TMEM132B: variants seen among roughly 807,000 people sequenced by gnomAD.
The protein encoded by TMEM132B is transmembrane protein 132B.
In TMEM132B, 18 loss-of-function variants were observed where a neutral mutation model predicts 90.8. The ratio of observed to expected loss-of-function variants is 0.20; its 90% CI spans 0.14 to 0.29. The LOEUF is 0.29. Ranked by LOEUF, TMEM132B falls within the 10% of genes least tolerant of loss-of-function variation. The pLI, the probability that TMEM132B is intolerant of heterozygous loss-of-function variation, is 1.00. For synonymous variants in TMEM132B, 504 were observed against 523.3 expected, an observed-to-expected ratio of 0.96 and a Z score of 0.50; for missense variants, 1,096 against 1,326.8, an observed-to-expected ratio of 0.83 and a Z score of 2.70.
At chr12:125,624,575 C>T (rs1476826545) in intron 5 of TMEM132B, among the ~76,000 whole-genome samples, 5 of 152,162 alleles carry the variant, frequency 3.3e-5, no homozygotes, top group Non-Finnish European at 4.4e-5. Context: ...GACTTATTGT[C>T]CTCGAGCTCA....
rs61155232 is a variant in TMEM132B, at chr12:125,575,083, T to TATATATATATATA, written c.1294-8768_1294-8767insATATATATATATA. On this transcript the variant is annotated intron_variant, in intron 4 of 8. Transcript: ENST00000682704. ...ATATATATATATATATATATATATATTCAGGAGTAGAATTGCTAGGTCATA... is the reference window on the plus strand; with the variant it reads ...ATATATATATATATATATATATATATATATATATATATATCAGGAGTAGAATTGCTAGGTCATA... 1.1e-3 allele frequency among the ~76,000 whole-genome samples: 125 copies of TATATATATATATA among 114,448 alleles called. 1 individual carries two copies. The highest frequency in any genetic ancestry group is 1.5e-3 in the Non-Finnish European group (80 of 52,240). The allele number at this position is 114,448 out of a possible 152,430, so 75.1% of individuals were successfully genotyped here.
Position 125,490,799 on chromosome 12 carries a change from G to T in TMEM132B, c.1107-28640G>T, listed in dbSNP as rs531901027. ...TCCTTTTGAGTGTAGGCAGGACTTA[G>T]TGACTTACTTCTGTAAAGTACTCTA... On this transcript the variant is annotated intron_variant, in intron 3 of 8. Transcript: ENST00000682704. The surrounding 1 kb of genome is among the most constrained non-coding windows in gnomAD (Gnocchi z 4.2). Among the ~76,000 whole-genome samples the T allele has an allele frequency of 6.6e-6, 1 of 152,302 alleles. No individual in the cohort carries two copies. Among genetic ancestry groups the T allele is most frequent in the Admixed American group, 6.5e-5 (1 of 15,292 alleles).
chr12:125,608,690 A>G (rs986249310), intron 5 of TMEM132B, among the ~76,000 whole-genome samples: 5 of 152,188 alleles, frequency 3.3e-5, no homozygotes, highest in African/African-American at 1.2e-4. Flanking sequence ...CTAATATTGT[A>G]TAGTTTTAGC....
chr12:125,336,310 G>A (rs1566005483), intron 1 of TMEM132B, among the ~76,000 whole-genome samples: 1 of 152,134 alleles, frequency 6.6e-6, no homozygotes, highest in Non-Finnish European at 1.5e-5. Flanking sequence ...CCATGATGCT[G>A]CCTGTCCATC....
At chr12:125,591,144 A>C (rs1885309244) in intron 5 of TMEM132B, among the ~76,000 whole-genome samples, 5 of 152,032 alleles carry the variant, frequency 3.3e-5, no homozygotes, top group Admixed American at 3.3e-4. Context: ...TTGATAGTGG[A>C]CTTTTTTTGA....
chr12:125,622,367 C>G (rs1053229639), intron 5 of TMEM132B: 2 of 548,746 alleles, frequency 3.6e-6, no homozygotes, highest in Non-Finnish European at 4.6e-6. Flanking sequence ...ATCAAAGGTT[C>G]CCACAAAGCA....
intron 3 of TMEM132B, among the ~76,000 whole-genome samples, chr12:125,496,784 A>G (rs1488724453): frequency 6.6e-6 from 1 of 152,182 alleles, no homozygotes; most frequent in Non-Finnish European, 1.5e-5. Context: ...TCAAGTGTTC[A>G]GTTTCCTCTA....
chr12:125,406,390 G>A lies in TMEM132B; in HGVS notation c.960-9141G>A, dbSNP rs1009082213. ...GAGGACAGTGCCTGGCTTCTAGAAGGGGCTTGAGACATTTCAGCATTTGTG... is the reference window on the plus strand; with the variant it reads ...GAGGACAGTGCCTGGCTTCTAGAAGAGGCTTGAGACATTTCAGCATTTGTG... On this transcript the variant is annotated intron_variant, in intron 2 of 8. Coordinates refer to ENST00000682704, the MANE Select transcript of TMEM132B (RefSeq NM_001366854.1). This position sits in a 1 kb window ranked among gnomAD's most constrained non-coding sequence, Gnocchi z 8.3. Among the ~76,000 whole-genome samples the A allele has an allele frequency of 2.0e-5, 3 of 152,158 alleles. No individual in the cohort carries two copies. The highest frequency in any genetic ancestry group is 7.2e-5 in the African/African-American group (3 of 41,426).
At chr12:125,468,243 C>T (rs1430194227) in intron 3 of TMEM132B, among the ~76,000 whole-genome samples, 1 of 151,744 alleles carries the variant, frequency 6.6e-6, no homozygotes, top group East Asian at 2.1e-4. Context: ...AGGAAGGTTC[C>T]AATTTCTCCA....
At chr12:125,244,456 C>T (rs79232384) in intron 1 of TMEM132B, among the ~76,000 whole-genome samples, 8,076 of 152,268 alleles carry the variant, frequency 0.053, 289 homozygotes, top group African/African-American at 0.092. Flanking sequence ...AACCAGCTTC[C>T]GGCCTGGGGA....
At chr12:125,314,613 A>G (rs454759) in intron 1 of TMEM132B, among the ~76,000 whole-genome samples, 113,502 of 152,070 alleles carry the variant, frequency 0.75, 43,451 homozygotes, top group African/African-American at 0.91. Context: ...AATTCTCTAA[A>G]CTGGGAACCG....
At chr12:125,570,874 G>A (rs2136827356) in intron 4 of TMEM132B, among the ~76,000 whole-genome samples, 1 of 152,282 alleles carries the variant, frequency 6.6e-6, no homozygotes, top group East Asian at 1.9e-4. Context: ...GGATCAAAGA[G>A]TGTAGGTGGC....
chr12:125,428,556 G>A (rs775346488), intron 3 of TMEM132B, among the ~76,000 whole-genome samples: 2 of 152,040 alleles, frequency 1.3e-5, no homozygotes, highest in Non-Finnish European at 2.9e-5. Flanking sequence ...GAACCTTTGA[G>A]TGGTTGCCTC....
chr12:125,202,653 G>C (rs932479829), intron 1 of TMEM132B, among the ~76,000 whole-genome samples: 1 of 152,212 alleles, frequency 6.6e-6, no homozygotes, highest in African/African-American at 2.4e-5. Context: ...TCACAGAAGT[G>C]ATGTCCCTTC....
At chr12:125,352,030 A>G (rs1022950231) in intron 2 of TMEM132B, among the ~76,000 whole-genome samples, 2 of 152,116 alleles carry the variant, frequency 1.3e-5, no homozygotes, top group Non-Finnish European at 2.9e-5. Context: ...TGCCATCTAT[A>G]TTTTCTGAAG....
chr12:125,650,822 C>A lies in TMEM132B; in HGVS notation c.1783C>A (p.Leu595Met). 6.2e-7 allele frequency: 1 copy of A among 1,614,230 alleles called. No homozygotes were observed. Among genetic ancestry groups the A allele is most frequent in the East Asian group, 2.2e-5 (1 of 44,884 alleles). The change falls in exon 7 of 9, where the codon CTG becomes ATG. Residue 595 changes from leucine to methionine, a missense_variant. Coordinates refer to ENST00000682704, the MANE Select transcript of TMEM132B (RefSeq NM_001366854.1). ...TGACTTAGGGCAGCTGACCTACATG[C>A]TGGGCCCCGACTGGCAGTTTGACAT... is the stretch of plus-strand genomic sequence containing the variant. ...SPDLGQLTYMLGPDWQFDITD... is the reference protein window; with the variant it reads ...SPDLGQLTYMMGPDWQFDITD...
chr12:125,220,922 G>T (rs1228933605), intron 1 of TMEM132B, among the ~76,000 whole-genome samples: 1 of 152,206 alleles, frequency 6.6e-6, no homozygotes, highest in African/African-American at 2.4e-5. Context: ...GCCTCCTGTT[G>T]TCCCAGAGAG....
At chr12:125,465,499 A>G (rs1881539737) in intron 3 of TMEM132B, among the ~76,000 whole-genome samples, 1 of 152,188 alleles carries the variant, frequency 6.6e-6, no homozygotes, top group Non-Finnish European at 1.5e-5. Context: ...ACAATGTCCT[A>G]TCCAACTCAA....
chr12:125,349,344 C>T lies in TMEM132B; in HGVS notation c.68-108C>T, dbSNP rs1357054922. On this transcript the variant is annotated intron_variant, in intron 1 of 8. Transcript: ENST00000682704. This position sits in a 1 kb window ranked among gnomAD's most constrained non-coding sequence, Gnocchi z 4.1. ...ACTGTGATGAGACCTGGGGGAGAAA[C>T]AGTGGCCAGTGGGCGGTTTGTTGGG... 24 of 1,212,966 alleles carry T rather than the reference C, an allele frequency of 2.0e-5. No homozygotes were observed. Among genetic ancestry groups the T allele is most frequent in the Non-Finnish European group, 2.8e-5 (24 of 867,232 alleles). 75.1% of individuals were successfully genotyped at this position (1,212,966 alleles called of 1,614,324 possible). A position where few individuals can be genotyped will look rare whatever the true frequency, so the allele number is the denominator to read the frequency against.
Sources: allele counts gnomAD v4.1 joint callset (sites outside exome capture counted in the v4.1 genomes callset), GRCh38; gene constraint gnomAD v4.1.1; non-coding constraint Gnocchi (gnomAD v3.1); transcripts MANE v1.5; gene names NCBI Gene and HGNC (gene_info 2026-07-23, HGNC 2026-07-21).